The following SDC2 variants were observed in gnomAD, a reference collection of about 807,000 sequenced individuals.
SDC2 encodes the protein syndecan 2, also known as syndecan-2.
In SDC2, 13 loss-of-function variants were observed where a neutral mutation model predicts 22.2. The observed-to-expected ratio is 0.59, with a 90% CI of 0.38 to 0.93. SDC2 has a LOEUF of 0.93. Among genes scored for constraint, SDC2 ranks in the 40% least tolerant of loss-of-function variants. The pLI, the probability that SDC2 is intolerant of heterozygous loss-of-function variation, is 0.00. For missense variants in SDC2, 235 were observed against 246.8 expected, an observed-to-expected ratio of 0.95 and a Z score of 0.32; for synonymous variants, 94 against 92.8, an observed-to-expected ratio of 1.01 and a Z score of -0.07.
chr8:96,602,037 C>A (rs185776996), intron 2 of SDC2, among the ~76,000 whole-genome samples: 1 of 152,138 alleles, frequency 6.6e-6, no homozygotes, highest in Non-Finnish European at 1.5e-5. Context: ...AAATTACAGG[C>A]GTGAGCCCCT....
chr8:96,547,280 T>G (rs1813949517), intron 1 of SDC2, among the ~76,000 whole-genome samples: 1 of 152,234 alleles, frequency 6.6e-6, no homozygotes, highest in Admixed American at 6.5e-5. Flanking sequence ...ATGTCATGAC[T>G]TGATAATAAA....
At chr8:96,563,235 A>G (rs2130566126) in intron 1 of SDC2, among the ~76,000 whole-genome samples, 1 of 152,196 alleles carries the variant, frequency 6.6e-6, no homozygotes, top group East Asian at 1.9e-4. Flanking sequence ...TGGCTTTCCT[A>G]GCCCTTCCTA....
At chr8:96,580,504 T>A in intron 1 of SDC2, 5 of 985,398 alleles carry the variant, frequency 5.1e-6, no homozygotes, top group Non-Finnish European at 6.0e-6. Flanking sequence ...GCATCATGAC[T>A]ACAGACTCAT....
intron 3 of SDC2, among the ~76,000 whole-genome samples, chr8:96,605,523 G>C (rs1325760803): frequency 6.6e-6 from 1 of 152,142 alleles, no homozygotes; most frequent in African/African-American, 2.4e-5. Context: ...GCTTTACTTT[G>C]GTACCTGAAG....
chr8:96,587,408 C>A (rs772627105), intron 1 of SDC2, among the ~76,000 whole-genome samples: 1 of 152,162 alleles, frequency 6.6e-6, no homozygotes, highest in African/African-American at 2.4e-5. Flanking sequence ...AAAGTAAGTG[C>A]TAGTAAAGAC....
At chr8:96,574,171 C>A (rs1814448939) in intron 1 of SDC2, among the ~76,000 whole-genome samples, 1 of 151,870 alleles carries the variant, frequency 6.6e-6, no homozygotes, top group Admixed American at 6.6e-5. Flanking sequence ...GATACAGTAG[C>A]CAGCATCTTT....
chr8:96,607,630 C>A (rs558317937), intron 3 of SDC2, among the ~76,000 whole-genome samples: 6 of 152,062 alleles, frequency 3.9e-5, no homozygotes, highest in Non-Finnish European at 5.9e-5. Context: ...ACTAGAGATG[C>A]GGCTGTGAGA....
At chr8:96,596,910 G>A (rs1478436885) in intron 2 of SDC2, among the ~76,000 whole-genome samples, 1 of 152,192 alleles carries the variant, frequency 6.6e-6, no homozygotes, top group African/African-American at 2.4e-5. Context: ...AGTTAACACA[G>A]CAGAATCTCT....
chr8:96,530,861 G>A (rs880077), intron 1 of SDC2, among the ~76,000 whole-genome samples: 30,159 of 152,122 alleles, frequency 0.2, 3,345 homozygotes, highest in African/African-American at 0.3. Flanking sequence ...TTAAAATCTC[G>A]GGAAGACTGA....
chr8:96,541,695 G>A (rs1348690397), intron 1 of SDC2, among the ~76,000 whole-genome samples: 2 of 29,206 alleles, frequency 6.8e-5, no homozygotes, highest in Non-Finnish European at 2.1e-4. Flanking sequence ...GGCTGAGGGA[G>A]GGGGCAATAG....
At chr8:96,580,944 C>CT (rs1814579161) in intron 1 of SDC2, among the ~76,000 whole-genome samples, 2 of 152,182 alleles carry the variant, frequency 1.3e-5, no homozygotes, top group Non-Finnish European at 2.9e-5. Context: ...ACAGGGGCCT[C>CT]TGTAGTATGG....
At chr8:96,532,153 C>T (rs753714709) in intron 1 of SDC2, among the ~76,000 whole-genome samples, 1 of 152,190 alleles carries the variant, frequency 6.6e-6, no homozygotes, top group Non-Finnish European at 1.5e-5. Context: ...TCTTGAACAA[C>T]ACCCAGTGCA....
intron 1 of SDC2, among the ~76,000 whole-genome samples, chr8:96,499,676 T>C (rs949758710): frequency 4.6e-5 from 7 of 152,072 alleles, no homozygotes; most frequent in Non-Finnish European, 7.4e-5. Flanking sequence ...ACATGACTGT[T>C]GTGAAGATGA....
chr8:96,589,055 G>C (rs1814732651), intron 1 of SDC2, among the ~76,000 whole-genome samples: 2 of 152,290 alleles, frequency 1.3e-5, no homozygotes, highest in South Asian at 4.1e-4. Context: ...TACTACACTT[G>C]ATCTTTTGTG....
intron 1 of SDC2, among the ~76,000 whole-genome samples, chr8:96,592,528 C>T (rs761213500): frequency 1.3e-5 from 2 of 151,990 alleles, no homozygotes; most frequent in Admixed American, 6.5e-5. Context: ...TGGGCTTTTG[C>T]GAGATAATGG....
In SDC2 at chr8:96,601,455, C is replaced by A. The variant is rs1156458114; in HGVS notation, c.173-940C>A. On this transcript the variant is annotated intron_variant, in intron 2 of 4. Transcript: ENST00000302190. ...AAGAGATCCAGACCATCCTGGCCAA[C>A]ATGGTGAAACCCCATCTCTACTAAA... 1.3e-4 allele frequency among the ~76,000 whole-genome samples: 20 copies of A among 151,898 alleles called. No individual in the cohort carries two copies. The East Asian group carries it at 3.9e-3, about 30-fold the overall frequency.
intron 1 of SDC2, among the ~76,000 whole-genome samples, chr8:96,519,385 C>T (rs960867800): frequency 1.3e-5 from 2 of 152,098 alleles, no homozygotes; most frequent in East Asian, 3.9e-4. Context: ...CTCCACGTTA[C>T]AGAAATTTTT....
At chr8:96,574,572 A>G (rs1023252045) in intron 1 of SDC2, among the ~76,000 whole-genome samples, 2 of 152,064 alleles carry the variant, frequency 1.3e-5, no homozygotes, top group African/African-American at 4.8e-5. Flanking sequence ...CAGGTACAAA[A>G]TCTCCATTAG....
At chr8:96,526,424 G>A (rs1813579134) in intron 1 of SDC2, among the ~76,000 whole-genome samples, 1 of 151,048 alleles carries the variant, frequency 6.6e-6, no homozygotes, top group Non-Finnish European at 1.5e-5. Flanking sequence ...TTTCCAGTAA[G>A]TGGAGGGACC....
Sources: allele counts gnomAD v4.1 joint callset (sites outside exome capture counted in the v4.1 genomes callset), GRCh38; gene constraint gnomAD v4.1.1; transcripts MANE v1.5; gene names NCBI Gene and HGNC (gene_info 2026-07-23, HGNC 2026-07-21).